CARMIL2: variants seen among roughly 807,000 people sequenced by gnomAD.
CARMIL2 encodes capping protein, Arp2/3 and myosin-I linker protein 2.
A neutral mutation model predicts 173.3 loss-of-function variants in CARMIL2; 96 were observed. The observed-to-expected ratio is 0.55, with a 90% CI of 0.47 to 0.66. The LOEUF (loss-of-function observed/expected upper bound fraction) is 0.66. CARMIL2 is among the 30% of genes least tolerant of loss of function. The probability of loss-of-function intolerance (pLI) is 0.00; values close to 1 mark genes in which losing one functional copy is unlikely to be tolerated. For synonymous variants in CARMIL2, 830 were observed against 817.1 expected, an observed-to-expected ratio of 1.02 and a Z score of -0.27; for missense variants, 1,771 against 1,906.7, an observed-to-expected ratio of 0.93 and a Z score of 1.33.
chr16:67,648,158 T>A lies in CARMIL2; in HGVS notation c.1178T>A (p.Met393Lys). 6.3e-7 allele frequency: 1 copy of A among 1,599,336 alleles called. No individual in the cohort carries two copies. Among genetic ancestry groups the A allele is most frequent in the Non-Finnish European group, 8.5e-7 (1 of 1,172,118 alleles). Residue 393 changes from methionine to lysine, a missense_variant, in exon 14 of 38, where the codon ATG (methionine) becomes AAG (lysine). Physicochemically the swap from Met to Lys is moderately conservative, Grantham distance 95. Coordinates refer to ENST00000334583, the MANE Select transcript of CARMIL2 (RefSeq NM_001013838.3). This position sits in a 1 kb window ranked among gnomAD's most constrained non-coding sequence, Gnocchi z 6.1. ...AGGGGGTGCTCCGTGGGGGGATGGA[T>A]GACCGGCAGGGCGGACTGGAGGGCG... ...TVRGCSVGGW[M>K]TGRADWRAGR... is the part of the protein sequence containing the mutation.
Position 67,646,822 on chromosome 16 carries a change from C to G in CARMIL2, c.537+38C>G. The G allele has an allele frequency of 1.2e-6, 2 of 1,611,640 alleles. No homozygotes were observed. Among genetic ancestry groups the G allele is most frequent in the Non-Finnish European group, 1.7e-6 (2 of 1,177,844 alleles). ...CCCTTTTGAAGGGCTCTGGAGACAT[C>G]TGGTCCCCCATGTGTGCTGAGCCCC... On this transcript the variant is annotated intron_variant, in intron 7 of 37. Coordinates refer to ENST00000334583, the MANE Select transcript of CARMIL2 (RefSeq NM_001013838.3). This position sits in a 1 kb window ranked among gnomAD's most constrained non-coding sequence, Gnocchi z 4.6.
Position 67,646,219 on chromosome 16 carries a change from G to C in CARMIL2, c.283G>C (p.Val95Leu), listed in dbSNP as rs748347536. 4.5e-5 allele frequency: 73 copies of C among 1,613,748 alleles called. No homozygotes were observed. Among genetic ancestry groups the C allele is most frequent in the Non-Finnish European group, 5.8e-5 (69 of 1,179,896 alleles). The change falls in exon 5 of 38, where the codon GTC (valine) becomes CTC (leucine). Residue 95 changes from valine (V) to leucine (L), a missense_variant. Val to Leu is a conservative substitution (Grantham distance 32). Transcript: ENST00000334583. This position sits in a 1 kb window ranked among gnomAD's most constrained non-coding sequence, Gnocchi z 4.6. ...TGAGCTGGAGTCCCTGCGTGAGCTG[G>C]TCCTGGAGTTTCCTGGTGTGGCCGC... Reference protein sequence around the residue: ...TFELESLRELVLEFPGVAALE... With the variant: ...TFELESLRELLLEFPGVAALE...
Position 67,648,330 on chromosome 16 carries a change from C to G in CARMIL2, c.1334+16C>G, listed in dbSNP as rs114164232. 1.9e-6 allele frequency: 3 copies of G among 1,577,114 alleles called. No individual in the cohort carries two copies. Among genetic ancestry groups the G allele is most frequent in the Middle Eastern group, 1.7e-4 (1 of 6,016 alleles). ...TCTCCCGCACGTAAGGGGGACCTGT[C>G]GGGGCCGGGGGAGGCTGCTGGAAGC... is the stretch of plus-strand genomic sequence containing the variant. On this transcript the variant is annotated intron_variant, in intron 14 of 37. Transcript: ENST00000334583. The surrounding 1 kb of genome is among the most constrained non-coding windows in gnomAD (Gnocchi z 6.1).
chr16:67,654,273 G>A, intron 30 of CARMIL2, 24 bp downstream of exon 30: 1 of 1,571,728 alleles, frequency 6.4e-7, no homozygotes, highest in African/African-American at 1.3e-5. Context: ...ATCTGCTGGG[G>A]GTGGGAGAGG....
chr16:67,648,335 C>T lies in CARMIL2; in HGVS notation c.1334+21C>T, dbSNP rs1047089923. The T allele has an allele frequency of 6.4e-7, 1 of 1,571,978 alleles. No individual in the cohort carries two copies. The highest frequency in any genetic ancestry group is 8.6e-7 in the Non-Finnish European group (1 of 1,167,360). On this transcript the variant is annotated intron_variant, in intron 14 of 37. Coordinates refer to ENST00000334583, the MANE Select transcript of CARMIL2 (RefSeq NM_001013838.3). The surrounding 1 kb of genome is among the most constrained non-coding windows in gnomAD (Gnocchi z 6.1). ...CGCACGTAAGGGGGACCTGTCGGGG[C>T]CGGGGGAGGCTGCTGGAAGCCGCCT...
chr16:67,654,751 C>T (rs911836812), intron 31 of CARMIL2, 27 bp from the exon 32 acceptor site: 3 of 1,612,512 alleles, frequency 1.9e-6, no homozygotes, highest in African/African-American at 2.7e-5. Flanking sequence ...CGCGGACTGT[C>T]TCCAACTCGA....
At position 67,649,898 on chromosome 16, in the gene CARMIL2, C is replaced by T. The variant is rs1467907250; in HGVS notation, c.2012C>T (p.Pro671Leu). The T allele has an allele frequency of 3.7e-6, 6 of 1,613,072 alleles. No homozygotes were observed. The highest frequency in any genetic ancestry group is 5.1e-6 in the Non-Finnish European group (6 of 1,179,862). The change falls in exon 21 of 38, where the codon CCT (proline) becomes CTT (leucine). Residue 671 changes from proline to leucine, a missense_variant. By Grantham distance (98) the Pro-to-Leu change is moderately conservative. This residue lies in a region of CARMIL2 where 944 missense variants were observed against 975.6 expected (regional missense o/e 0.97). Coordinates refer to ENST00000334583, the MANE Select transcript of CARMIL2 (RefSeq NM_001013838.3). This position sits in a 1 kb window ranked among gnomAD's most constrained non-coding sequence, Gnocchi z 6.7. ...LEQNHSLKAM[P>L]LPLNDVAQAQ... Reference sequence around the variant, plus strand: ...CAGAACCACAGCCTGAAGGCCATGCCTCTGCCACTGAACGACGTGGCCCAG... The same window carrying T: ...CAGAACCACAGCCTGAAGGCCATGCTTCTGCCACTGAACGACGTGGCCCAG...
In CARMIL2 at chr16:67,646,703, C is replaced by G; in HGVS notation, c.467-11C>G. ...CTCCTTTTCCACATCGCACCCCTAT[C>G]CCCTCCCCAGGTGGCTTCTTGGAGA... On this transcript the variant is annotated splice_polypyrimidine_tract_variant and intron_variant, in intron 6 of 37. Transcript: ENST00000334583. This position sits in a 1 kb window ranked among gnomAD's most constrained non-coding sequence, Gnocchi z 4.6. The G allele has an allele frequency of 6.2e-7, 1 of 1,613,718 alleles. No homozygotes were observed. Among genetic ancestry groups the G allele is most frequent in the Non-Finnish European group, 8.5e-7 (1 of 1,179,634 alleles).
At position 67,651,256 on chromosome 16, in the gene CARMIL2, G is replaced by A. The variant is rs760148838; in HGVS notation, c.2254G>A (p.Gly752Ser). Residue 752 changes from glycine (G) to serine (S), a missense_variant, in exon 23 of 38, where the codon GGT (glycine) becomes AGT (serine). Gly to Ser is a moderately conservative substitution (Grantham distance 56). Transcript: ENST00000334583. The surrounding 1 kb of genome is among the most constrained non-coding windows in gnomAD (Gnocchi z 4.2). ...ELLGCGAGPQ[G>S]EAAVRQAEDA... ...GCTGGGCTGTGGGGCTGGGCCCCAG[G>A]GTGAAGCCGCTGTGCGCCAGGCCGA... is the stretch of plus-strand genomic sequence containing the variant. The A allele has an allele frequency of 1.2e-6, 2 of 1,613,560 alleles. No individual in the cohort carries two copies. The highest frequency in any genetic ancestry group is 3.3e-5 in the Admixed American group (2 of 60,016).
In CARMIL2 at chr16:67,645,795, G is replaced by A. The variant is rs1477587144; in HGVS notation, c.186+18G>A. The A allele has an allele frequency of 5.0e-6, 8 of 1,610,472 alleles. No homozygotes were observed. The highest frequency in any genetic ancestry group is 6.8e-6 in the Non-Finnish European group (8 of 1,179,838). ...CGCTGAGGGTGAGTCCCAGGGCCTG[G>A]CCACACCCCCGCCCGCCAGCAGCTA... is the stretch of plus-strand genomic sequence containing the variant. On this transcript the variant is annotated intron_variant, in intron 3 of 37. Coordinates refer to ENST00000334583, the MANE Select transcript of CARMIL2 (RefSeq NM_001013838.3).
rs1342987875 is a variant in CARMIL2 at position 67,651,066 on chromosome 16, T to A, written c.2185-121T>A. The A allele has an allele frequency of 8.8e-7, 1 of 1,130,594 alleles. No individual in the cohort carries two copies. Among genetic ancestry groups the A allele is most frequent in the Non-Finnish European group, 1.2e-6 (1 of 803,880 alleles). 70.0% of individuals were successfully genotyped at this position (1,130,594 alleles called of 1,614,324 possible). On this transcript the variant is annotated intron_variant, in intron 22 of 37. Coordinates refer to ENST00000334583, the MANE Select transcript of CARMIL2 (RefSeq NM_001013838.3). The surrounding 1 kb of genome is among the most constrained non-coding windows in gnomAD (Gnocchi z 4.2). ...TCCTTGAACAGATAGGGTTCCAAAGTGGCTGGTCTAAGGGTGTCAGCTTCA... is the reference window on the plus strand; with the variant it reads ...TCCTTGAACAGATAGGGTTCCAAAGAGGCTGGTCTAAGGGTGTCAGCTTCA...
Position 67,653,201 on chromosome 16 carries a change from C to T in CARMIL2, c.3067C>T (p.Arg1023Trp), listed in dbSNP as rs1235773850. Residue 1023 changes from arginine (R) to tryptophan (W), a missense_variant, in exon 29 of 38, where the codon CGG (arginine) becomes TGG (tryptophan). Arg to Trp is a moderately radical substitution (Grantham distance 101). Transcript: ENST00000334583. This position sits in a 1 kb window ranked among gnomAD's most constrained non-coding sequence, Gnocchi z 7.4. ...GCCCCTGCGCCATCCGACCCGGGCC[C>T]GGCCGCGGCCGCGCCGCCAGCACCA... ...GQPLRHPTRA[R>W]PRPRRQHHHR... is the part of the protein sequence containing the mutation. 2 of 1,128,716 alleles carry T rather than the reference C, an allele frequency of 1.8e-6. No individual in the cohort carries two copies. Among genetic ancestry groups the T allele is most frequent in the African/African-American group, 1.6e-5 (1 of 60,902 alleles). The allele number at this position is 1,128,716 out of a possible 1,614,324, so 69.9% of individuals were successfully genotyped here. A position where few individuals can be genotyped will look rare whatever the true frequency, so the allele number is the denominator to read the frequency against.
Position 67,652,775 on chromosome 16 carries a change from C to T in CARMIL2, c.2884+237C>T, listed in dbSNP as rs1430683004. ...CCGGCTCAGCTCGCCTCCCCGCGCC[C>T]CTTTCCCTACCCCAGGGACGCGCAT... On this transcript the variant is annotated intron_variant, in intron 28 of 37. Coordinates refer to ENST00000334583, the MANE Select transcript of CARMIL2 (RefSeq NM_001013838.3). This position sits in a 1 kb window ranked among gnomAD's most constrained non-coding sequence, Gnocchi z 4.7. 6.6e-6 allele frequency among the ~76,000 whole-genome samples: 1 copy of T among 151,954 alleles called. No homozygotes were observed. The highest frequency in any genetic ancestry group is 1.5e-5 in the Non-Finnish European group (1 of 67,946).
In CARMIL2 at chr16:67,654,853, A is replaced by G. The variant is rs1225484071; in HGVS notation, c.3658A>G (p.Ile1220Val). Reference sequence around the variant, plus strand: ...GCGGGTACAAGTAATGCTGCAGAGGATAGGCGTCAGCCGAGGCAGCGGGGG... The same window carrying G: ...GCGGGTACAAGTAATGCTGCAGAGGGTAGGCGTCAGCCGAGGCAGCGGGGG... ...EQRVQVMLQR[I>V]GVSRGSGGAE... The change falls in exon 32 of 38, where the codon ATA (isoleucine) becomes GTA (valine). Residue 1220 changes from isoleucine to valine, a missense_variant. This residue lies in a region of CARMIL2 where 817 missense variants were observed against 903.5 expected (regional missense o/e 0.90). Transcript: ENST00000334583. 3 of 1,613,618 alleles carry G rather than the reference A, an allele frequency of 1.9e-6. No homozygotes were observed. In the African/African-American group the frequency reaches 4.0e-5, roughly 22 times the overall value.
intron 29 of CARMIL2, 55 bp from the exon 30 acceptor site, chr16:67,654,094 G>A (rs952916011): frequency 1.5e-5 from 15 of 1,007,170 alleles, no homozygotes; most frequent in African/African-American, 3.8e-5. Context: ...GGGGGGGGGG[G>A]GTAGAAGCCA....
chr16:67,654,082 G>GT (rs1240407206), intron 29 of CARMIL2, 67 bp from the exon 30 acceptor site: 1 of 208,996 alleles, frequency 4.8e-6, no homozygotes, highest in Admixed American at 8.6e-5. Flanking sequence ...CTGCCGGCCG[G>GT]GGGGGGGGGG....
At chr16:67,650,339 C>T (rs2052700695) in intron 22 of CARMIL2, 189 bp downstream of exon 22, 3 of 596,442 alleles carry the variant, frequency 5.0e-6, no homozygotes, top group Non-Finnish European at 6.0e-6. Flanking sequence ...AAATAACACC[C>T]TTGGCTGCCT....
rs1042680536 is a variant in CARMIL2 at position 67,654,087 on chromosome 16, G to T, written c.3121-62G>T. On this transcript the variant is annotated intron_variant, in intron 29 of 37. Coordinates refer to ENST00000334583, the MANE Select transcript of CARMIL2 (RefSeq NM_001013838.3). The stretch of plus-strand genomic sequence containing the variant: ...TCAGTCCAGGCTGCCGGCCGGGGGG[G>T]GGGGGGGGTAGAAGCCAGAGTTGCA... The T allele has an allele frequency of 4.3e-5, 48 of 1,104,270 alleles. 2 individuals are homozygous for T. The highest frequency in any genetic ancestry group is 1.2e-4 in the African/African-American group (7 of 60,314). 68.4% of individuals were successfully genotyped at this position (1,104,270 alleles called of 1,614,324 possible).
chr16:67,650,158 T>A lies in CARMIL2; in HGVS notation c.2184+8T>A. ...TCAGACCCCTCAGAGCAGGTCAATG[T>A]CCCCTCCCCAACCACGAGAGGTAGG... On this transcript the variant is annotated splice_region_variant and intron_variant, in intron 22 of 37. Coordinates refer to ENST00000334583, the MANE Select transcript of CARMIL2 (RefSeq NM_001013838.3). 1 of 1,606,086 alleles carries A rather than the reference T, an allele frequency of 6.2e-7. No individual in the cohort carries two copies. The highest frequency in any genetic ancestry group is 8.5e-7 in the Non-Finnish European group (1 of 1,176,664).
Sources: gnomAD v4.1 joint callset for allele counts (sites outside exome capture counted in the v4.1 genomes callset) on GRCh38, gnomAD v4.1.1 for gene constraint, gnomAD v4.1.1 regional missense constraint, Gnocchi (gnomAD v3.1) non-coding constraint, MANE v1.5 for transcripts, NCBI Gene and HGNC (gene_info 2026-07-23, HGNC 2026-07-21) for gene names.